Variants in ANPEP observed in about 807,000 individuals in gnomAD.
ANPEP encodes alanyl aminopeptidase, membrane, also known as aminopeptidase N.
In ANPEP, 70 loss-of-function variants were observed where a neutral mutation model predicts 114.6. The ratio of observed to expected loss-of-function variants is 0.61; its 90% confidence interval spans 0.50 to 0.75. The LOEUF is 0.75. Ranked by LOEUF, ANPEP falls within the 30% of genes least tolerant of loss-of-function variation. The pLI is 0.00. For missense variants in ANPEP, 1,184 were observed against 1,259.5 expected (o/e 0.94, Z 0.91); for synonymous variants, 548 against 522.3 (o/e 1.05, Z -0.67).
intron 1 of ANPEP, among the ~76,000 whole-genome samples, chr15:89,808,090 C>A (rs1223003482): frequency 6.6e-6 from 1 of 152,176 alleles, no homozygotes; most frequent in Non-Finnish European, 1.5e-5. Flanking sequence ...CCAGACCAGA[C>A]CTTCTAAAGG....
At chr15:89,789,107 G>A (rs1030059350) in intron 20 of ANPEP, among the ~76,000 whole-genome samples, 15 of 151,926 alleles carry the variant, frequency 9.9e-5, no homozygotes, top group Non-Finnish European at 1.9e-4. Flanking sequence ...AGCCTCCCGA[G>A]TAGCTGGGAC....
Position 89,805,391 on chromosome 15 carries a change from C to A in ANPEP, c.687G>T (p.Met229Ile). Residue 229 changes from methionine to isoleucine, a missense_variant, in exon 3 of 21, where the codon ATG becomes ATT. Met to Ile is a conservative substitution (Grantham distance 10). Transcript: ENST00000300060. Reference sequence around the variant, plus strand: ...TAAGCGTGATGTTGAACTCGGCCTTCATGGCCGGCTCATCGAAGCATGGGA... The same window carrying A: ...TAAGCGTGATGTTGAACTCGGCCTTAATGGCCGGCTCATCGAAGCATGGGA... ...KSFPCFDEPA[M>I]KAEFNITLIH... is the part of the protein sequence containing the mutation. The A allele has an allele frequency of 6.2e-7, 1 of 1,614,188 alleles. No homozygotes were observed. Among genetic ancestry groups the A allele is most frequent in the Non-Finnish European group, 8.5e-7 (1 of 1,180,024 alleles).
intron 6 of ANPEP, 72 bp downstream of exon 6, chr15:89,804,181 G>A (rs1209152245): frequency 1.9e-6 from 3 of 1,597,628 alleles, no homozygotes; most frequent in African/African-American, 2.7e-5. Flanking sequence ...GCCCGGGGCA[G>A]AGCCTGGACT....
intron 20 of ANPEP, among the ~76,000 whole-genome samples, chr15:89,789,796 C>A (rs185787534): frequency 4.3e-4 from 42 of 98,344 alleles, no homozygotes; most frequent in Middle Eastern, 8.3e-3. Flanking sequence ...AAAAGCTGGA[C>A]GCCGTGGCTC....
chr15:89,793,618 G>A (rs1002136215), intron 15 of ANPEP, among the ~76,000 whole-genome samples: 18 of 147,090 alleles, frequency 1.2e-4, no homozygotes, highest in Admixed American at 2.8e-4. Flanking sequence ...CAGGAGAATC[G>A]CTTAAACCCG....
At chr15:89,811,374 T>C (rs1894811860) in intron 1 of ANPEP, among the ~76,000 whole-genome samples, 1 of 152,032 alleles carries the variant, frequency 6.6e-6, no homozygotes, top group Non-Finnish European at 1.5e-5. Flanking sequence ...GGGCCGGGCG[T>C]GTTGGCTCAT....
chr15:89,786,572 A>G (rs1968511454), intron 20 of ANPEP, among the ~76,000 whole-genome samples: 1 of 152,106 alleles, frequency 6.6e-6, no homozygotes, highest in Admixed American at 6.6e-5. Context: ...ATGTGCCTAT[A>G]GTCCCAACTA....
chr15:89,796,981 C>T (rs1302248567), intron 15 of ANPEP, among the ~76,000 whole-genome samples: 1 of 152,178 alleles, frequency 6.6e-6, no homozygotes, highest in African/African-American at 2.4e-5. Flanking sequence ...ATGGATGTAG[C>T]TTATTCATCC....
rs1894711126 is a variant in ANPEP at position 89,806,270 on chromosome 15, C to A, written c.314G>T (p.Gly105Val). The change falls in exon 2 of 21, where the codon GGC (glycine) becomes GTC (valine). Residue 105 changes from glycine (G) to valine (V), a missense_variant. Gly to Val is a moderately radical substitution (Grantham distance 109). Coordinates refer to ENST00000300060, the MANE Select transcript of ANPEP (RefSeq NM_001150.3). The surrounding 1 kb of genome is among the most constrained non-coding windows in gnomAD (Gnocchi z 5.7). ...PNDRGLYVFK[G>V]SSTVRFTCKE... ...GCAGGTGAAACGGACGGTGCTGGAG[C>A]CCTTAAAAACGTACAGGCCCCTGTC... 6.2e-7 allele frequency: 1 copy of A among 1,614,078 alleles called. No homozygotes were observed. Among genetic ancestry groups the A allele is most frequent in the Non-Finnish European group, 8.5e-7 (1 of 1,180,020 alleles).
intron 1 of ANPEP, among the ~76,000 whole-genome samples, chr15:89,807,270 T>C (rs1392393403): frequency 1.3e-5 from 2 of 152,250 alleles, no homozygotes; most frequent in African/African-American, 4.8e-5. Flanking sequence ...TTCACCTCTT[T>C]CCAGCTGTGA....
chr15:89,803,844 C>A lies in ANPEP; in HGVS notation c.1293+45G>T, dbSNP rs374946792. 8.7e-6 allele frequency: 14 copies of A among 1,613,334 alleles called. No homozygotes were observed. The highest frequency in any genetic ancestry group is 1.7e-5 in the Admixed American group (1 of 60,002). ...CTGGCCTGGTAGCGGTGGCCCAGGT[C>A]TCCCTCCATGCCCCCCGCACCAGAC... On this transcript the variant is annotated intron_variant, in intron 7 of 20. Coordinates refer to ENST00000300060, the MANE Select transcript of ANPEP (RefSeq NM_001150.3). This position sits in a 1 kb window ranked among gnomAD's most constrained non-coding sequence, Gnocchi z 4.2.
rs767726883 is a variant in ANPEP, at chr15:89,797,646, C to T, written c.2086G>A (p.Glu696Lys). The T allele has an allele frequency of 1.9e-6, 3 of 1,614,126 alleles. No homozygotes were observed. Among genetic ancestry groups the T allele is most frequent in the Non-Finnish European group, 2.5e-6 (3 of 1,180,034 alleles). Reference protein sequence around the residue: ...LIEERQYMPWEAALSSLSYFK... With the variant: ...LIEERQYMPWKAALSSLSYFK... ...TAGCTCAGGCTGCTCAGGGCGGCCTCCCAGGGCATGTACTGTCTCTCTTCA... is the reference window on the plus strand; with the variant it reads ...TAGCTCAGGCTGCTCAGGGCGGCCTTCCAGGGCATGTACTGTCTCTCTTCA... The change falls in exon 15 of 21, where the codon GAG becomes AAG. Residue 696 changes from glutamate (E) to lysine (K), a missense_variant. Glu to Lys is a moderately conservative substitution (Grantham distance 56). Coordinates refer to ENST00000300060, the MANE Select transcript of ANPEP (RefSeq NM_001150.3).
chr15:89,798,959 CAAACAAACAA>C (rs1894529324), intron 14 of ANPEP, among the ~76,000 whole-genome samples: 1 of 151,930 alleles, frequency 6.6e-6, no homozygotes, highest in Non-Finnish European at 1.5e-5. Flanking sequence ...AACAAACAAA[CAAACAAACAA>C]AAACAAAAAC....
intron 19 of ANPEP, 33 bp from the exon 20 acceptor site, chr15:89,790,574 A>G (rs762359560): frequency 6.3e-7 from 1 of 1,586,600 alleles, no homozygotes; most frequent in Non-Finnish European, 8.7e-7. Context: ...ACTGTGAGGG[A>G]GGCCGGGAAC....
At position 89,801,619 on chromosome 15, in the gene ANPEP, G is replaced by C. The variant is rs370974967; in HGVS notation, c.1570-12C>G. ...CGGTTGTTCACAGCCTGTGGGTGGA[G>C]CGAGAGGGCGTGGCCATCAGTGGGA... On this transcript the variant is annotated splice_polypyrimidine_tract_variant and intron_variant, in intron 10 of 20. Coordinates refer to ENST00000300060, the MANE Select transcript of ANPEP (RefSeq NM_001150.3). 6.2e-7 allele frequency: 1 copy of C among 1,611,576 alleles called. No individual in the cohort carries two copies. The highest frequency in any genetic ancestry group is 8.5e-7 in the Non-Finnish European group (1 of 1,178,492).
rs779605402 is a variant in ANPEP at position 89,801,608 on chromosome 15, C to T, written c.1570-1G>A. On this transcript the variant is annotated splice_acceptor_variant, in intron 10 of 20. Coordinates refer to ENST00000300060, the MANE Select transcript of ANPEP (RefSeq NM_001150.3). LOFTEE classifies it high-confidence loss of function. Reference sequence around the variant, plus strand: ...GTTGGATGGACCGGTTGTTCACAGCCTGTGGGTGGAGCGAGAGGGCGTGGC... The same window carrying T: ...GTTGGATGGACCGGTTGTTCACAGCTTGTGGGTGGAGCGAGAGGGCGTGGC... The T allele has an allele frequency of 6.2e-7, 1 of 1,613,268 alleles. No individual in the cohort carries two copies. Among genetic ancestry groups the T allele is most frequent in the Non-Finnish European group, 8.5e-7 (1 of 1,179,454 alleles).
intron 4 of ANPEP, chr15:89,804,857 C>T (rs1015972405): frequency 3.7e-5 from 31 of 828,006 alleles, no homozygotes; most frequent in African/African-American, 2.1e-4. Context: ...GTCTGGTAAC[C>T]GGTGGGTCAG....
At chr15:89,807,541 A>G (rs1419246044) in intron 1 of ANPEP, among the ~76,000 whole-genome samples, 2 of 152,046 alleles carry the variant, frequency 1.3e-5, no homozygotes, top group Non-Finnish European at 2.9e-5. Flanking sequence ...TCTACTAAAA[A>G]TACAAAAAAA....
chr15:89,803,472 C>A lies in ANPEP; in HGVS notation c.1473G>T (p.Leu491=). The change falls in exon 9 of 21, where the codon CTG becomes CTT. Residue 491 remains leucine (L), a synonymous_variant. Transcript: ENST00000300060. This position sits in a 1 kb window ranked among gnomAD's most constrained non-coding sequence, Gnocchi z 4.2. ...GGCCCTGCTTGAATACGTCCTCGGA[C>A]AGGAAGCTGGAGAGCATCCTGAGGA... The part of the protein sequence containing the change: ...ASVLRMLSSF[L]SEDVFKQGLA... 2 of 1,606,190 alleles carry A rather than the reference C, an allele frequency of 1.2e-6. No homozygotes were observed. Among genetic ancestry groups the A allele is most frequent in the African/African-American group, 2.7e-5 (2 of 74,864 alleles).
Sources: allele counts gnomAD v4.1 joint callset (sites outside exome capture counted in the v4.1 genomes callset), GRCh38; gene constraint gnomAD v4.1.1; non-coding constraint Gnocchi (gnomAD v3.1); transcripts MANE v1.5; gene names NCBI Gene and HGNC (gene_info 2026-07-23, HGNC 2026-07-21).